ENO4: variants seen among roughly 807,000 people sequenced by gnomAD.
The protein encoded by ENO4 is 2-phospho-D-glycerate hydro-lyase.
In ENO4, 53 loss-of-function variants were observed where a neutral mutation model predicts 63.2. The ratio of observed to expected loss-of-function variants is 0.84; its 90% CI spans 0.67 to 1.05. The LOEUF (loss-of-function observed/expected upper bound fraction) is 1.05, where lower values mean the gene tolerates loss of function less well. Among genes scored for constraint, ENO4 ranks in the 50% least tolerant of loss-of-function variants. The pLI, the probability that ENO4 is intolerant of heterozygous loss-of-function variation, is 0.00. For synonymous variants in ENO4, 266 were observed against 283.8 expected (o/e 0.94, Z 0.63); for missense variants, 719 against 772.0 (o/e 0.93, Z 0.81).
chr10:116,859,298 G>T (rs1385237778), intron 4 of ENO4, among the ~76,000 whole-genome samples, 160 bp downstream of exon 4: 2 of 152,174 alleles, frequency 1.3e-5, no homozygotes, highest in Non-Finnish European at 1.5e-5. Flanking sequence ...CAAAGATTTT[G>T]CCCCCATCCC....
chr10:116,885,545 A>G (rs906974283), downstream of ENO4: 3 of 152,634 alleles, frequency 2.0e-5, no homozygotes, highest in African/African-American at 7.2e-5. Flanking sequence ...TGTACATAAG[A>G]ACTCTGATAA....
intron 9 of ENO4, 120 bp from the exon 10 acceptor site, chr10:116,873,956 A>C: frequency 7.5e-7 from 1 of 1,339,728 alleles, no homozygotes; most frequent in Non-Finnish European, 9.8e-7. Context: ...ACGTGCCCTG[A>C]AAAGAACCTG....
intron 11 of ENO4, among the ~76,000 whole-genome samples, chr10:116,878,375 C>T (rs1234985376): frequency 1.3e-5 from 2 of 152,214 alleles, no homozygotes; most frequent in African/African-American, 4.8e-5. Context: ...GGAGGCAATG[C>T]AAACACCGTT....
intron 10 of ENO4, among the ~76,000 whole-genome samples, chr10:116,909,418 T>A (rs1457951255): frequency 2.6e-5 from 4 of 152,176 alleles, no homozygotes; most frequent in Non-Finnish European, 5.9e-5. Context: ...GTTCTTTGAT[T>A]TACAGCCAAC....
chr10:116,854,761 AATAAG>A (rs1295967995), intron 1 of ENO4, among the ~76,000 whole-genome samples: 1 of 151,098 alleles, frequency 6.6e-6, no homozygotes, highest in Non-Finnish European at 1.5e-5. Context: ...TGAGCAACAT[AATAAG>A]ATCCTGTATC....
At chr10:116,882,999 CATCAT>C (rs1034429067), downstream of ENO4, 49 of 151,712 alleles carry the variant, frequency 3.2e-4, no homozygotes, top group Admixed American at 2.3e-3. Context: ...CACACACACA[CATCAT>C]GAGACTATGC....
chr10:116,876,035 A>G, intron 10 of ENO4, 30 bp from the exon 11 acceptor site: 2 of 1,454,798 alleles, frequency 1.4e-6, no homozygotes, highest in Non-Finnish European at 1.8e-6. Flanking sequence ...TCAATGCATT[A>G]TAATGATCAA....
chr10:116,858,923 A>G (rs1034518167), intron 3 of ENO4, 67 bp from the exon 4 acceptor site: 11 of 1,103,978 alleles, frequency 1.0e-5, no homozygotes, highest in Non-Finnish European at 1.4e-5. Context: ...TCTCTAAAAC[A>G]TGACCAAAAT....
At chr10:116,863,891 A>C (rs1013739116) in intron 7 of ENO4, among the ~76,000 whole-genome samples, 6 of 152,024 alleles carry the variant, frequency 3.9e-5, no homozygotes, top group African/African-American at 1.4e-4. Flanking sequence ...GCCTGTAGAG[A>C]CTCAGACTTC....
chr10:116,871,028 C>A, intron 8 of ENO4, 97 bp from the exon 9 acceptor site: 1 of 1,043,634 alleles, frequency 9.6e-7, no homozygotes. Context: ...CTGATCTTTG[C>A]AGAGCTATAT....
Position 116,859,032 on chromosome 10 carries a change from A to G in ENO4, c.528A>G (p.Lys176=), listed in dbSNP as rs542492628. The G allele has an allele frequency of 7.8e-6, 12 of 1,535,772 alleles. No individual in the cohort carries two copies. Among genetic ancestry groups the G allele is most frequent in the Middle Eastern group, 1.7e-4 (1 of 5,998 alleles). Residue 176 remains lysine, a synonymous_variant, in exon 4 of 14, where the codon AAA becomes AAG. Coordinates refer to ENST00000341276, the MANE Select transcript of ENO4 (RefSeq NM_001242699.2). The part of the protein sequence containing the change: ...ASKVQEDKGR[K]ELEKSLEYST... ...AAGTACAAGAAGATAAGGGGAGAAAAGAATTGGAAAAGAGCCTGGAATACT... is the reference window on the plus strand; with the variant it reads ...AAGTACAAGAAGATAAGGGGAGAAAGGAATTGGAAAAGAGCCTGGAATACT...
rs949492978 is a variant in ENO4 at position 116,906,853 on chromosome 10, T to A, written c.1195-4646T>A. On this transcript the variant is annotated intron_variant, in intron 10 of 10. Coordinates refer to the ENO4 transcript ENST00000369207. ...AACATTACCAGAATTTGAATGGAAT[T>A]ATGAAACAAAATGAATTTGCTATAT... 5 of 942,712 alleles carry A rather than the reference T, an allele frequency of 5.3e-6. No homozygotes were observed. In the Admixed American group the frequency reaches 1.7e-4, roughly 31 times the overall value. 58.4% of individuals were successfully genotyped at this position (942,712 alleles called of 1,614,324 possible). A position where few individuals can be genotyped will look rare whatever the true frequency, so the allele number is the denominator to read the frequency against.
intron 10 of ENO4, among the ~76,000 whole-genome samples, chr10:116,891,876 T>C (rs1847352289): frequency 6.6e-6 from 1 of 152,188 alleles, no homozygotes; most frequent in Non-Finnish European, 1.5e-5. Flanking sequence ...TCTTTTTGTT[T>C]TGGGTACTTT....
chr10:116,851,305 A>G (rs1442901287), intron 1 of ENO4, among the ~76,000 whole-genome samples: 4 of 152,222 alleles, frequency 2.6e-5, no homozygotes, highest in Non-Finnish European at 1.5e-5. Flanking sequence ...TGCCTATTAA[A>G]GGAATTCAGG....
intron 11 of ENO4, among the ~76,000 whole-genome samples, chr10:116,878,423 T>C (rs1319737903): frequency 6.6e-6 from 1 of 152,180 alleles, no homozygotes; most frequent in East Asian, 1.9e-4. Context: ...CTTCACAGAC[T>C]GGCACATTTC....
intron 8 of ENO4, among the ~76,000 whole-genome samples, chr10:116,869,819 C>A (rs952331146): frequency 2.0e-5 from 3 of 152,140 alleles, no homozygotes; most frequent in Admixed American, 6.5e-5. Flanking sequence ...AGAGAGGCAG[C>A]CACACAAGAA....
chr10:116,855,795 T>C (rs761788546), intron 2 of ENO4, 44 bp downstream of exon 2: 7 of 1,476,164 alleles, frequency 4.7e-6, no homozygotes, highest in Non-Finnish European at 5.4e-6. Context: ...CTGGCCCCAC[T>C]GCATTTATTA....
chr10:116,888,592 C>A (rs1265280616), intron 10 of ENO4, among the ~76,000 whole-genome samples: 1 of 152,168 alleles, frequency 6.6e-6, no homozygotes, highest in Non-Finnish European at 1.5e-5. Context: ...GCAAGACAAT[C>A]TGCAGAATAA....
At chr10:116,895,690 C>T (rs1169185776) in intron 10 of ENO4, among the ~76,000 whole-genome samples, 1 of 152,122 alleles carries the variant, frequency 6.6e-6, no homozygotes, top group East Asian at 1.9e-4. Flanking sequence ...TTTCTTTCTC[C>T]TTCCTTAAGC....
Sources: allele counts gnomAD v4.1 joint callset (sites outside exome capture counted in the v4.1 genomes callset), GRCh38; gene constraint gnomAD v4.1.1; transcripts MANE v1.5; gene names NCBI Gene and HGNC (gene_info 2026-07-23, HGNC 2026-07-21).